The following CTSB variants were observed in gnomAD, a reference collection of about 807,000 sequenced individuals.
CTSB encodes the protein cathepsin B.
In CTSB, 57 loss-of-function variants were observed where a neutral mutation model predicts 44.3. The observed-to-expected ratio is 1.29, with a 90% CI of 1.04 to 1.60. The LOEUF is 1.60. Among genes scored for constraint, CTSB ranks in the 40% most tolerant of loss-of-function variants. The pLI, the probability that CTSB is intolerant of heterozygous loss-of-function variation, is 0.00. For missense variants in CTSB, 768 were observed against 443.0 expected, an observed-to-expected ratio of 1.73 and a Z score of -6.59; for synonymous variants, 320 against 168.0, an observed-to-expected ratio of 1.91 and a Z score of -7.00.
intron 3 of CTSB, 113 bp downstream of exon 3, chr8:11,852,497 T>C (rs1814769615): frequency 1.5e-6 from 1 of 674,320 alleles, no homozygotes; most frequent in Non-Finnish European, 2.5e-6. Context: ...TCGGCAGCCC[T>C]GGGCAGCATG....
chr8:11,857,208 G>A (rs942833699), intron 1 of CTSB, among the ~76,000 whole-genome samples: 20 of 152,126 alleles, frequency 1.3e-4, no homozygotes, highest in African/African-American at 3.9e-4. Context: ...AGTATAGTCC[G>A]TGTTTCGTTA....
chr8:11,861,998 G>C (rs1435245731), intron 1 of CTSB, among the ~76,000 whole-genome samples: 1 of 152,150 alleles, frequency 6.6e-6, no homozygotes, highest in Non-Finnish European at 1.5e-5. Context: ...ACGAGGTCAG[G>C]AGATCGAGAC....
intron 1 of CTSB, among the ~76,000 whole-genome samples, chr8:11,866,265 T>C (rs1056979234): frequency 3.3e-5 from 5 of 152,142 alleles, no homozygotes; most frequent in Admixed American, 6.5e-5. Context: ...CAGCACCACA[T>C]GGGCAGTTTC....
intron 1 of CTSB, among the ~76,000 whole-genome samples, chr8:11,866,779 G>T (rs1360726933): frequency 6.6e-6 from 1 of 152,206 alleles, no homozygotes; most frequent in Non-Finnish European, 1.5e-5. Flanking sequence ...AGAATAGCTT[G>T]AATTTGGGAG....
chr8:11,865,429 A>C (rs895154114), intron 1 of CTSB: 1 of 152,070 alleles, frequency 6.6e-6, no homozygotes, highest in African/African-American at 2.4e-5. Context: ...TCTCTACTAA[A>C]AATAAAAAAA....
intron 4 of CTSB, among the ~76,000 whole-genome samples, chr8:11,850,439 AAAGAAAG>A (rs1269722635): frequency 1.1e-4 from 6 of 53,594 alleles, no homozygotes; most frequent in Admixed American, 7.4e-4. Flanking sequence ...AAAAAAAAAA[AAAGAAAG>A]AAAAAGAAAA....
At chr8:11,852,450 A>C (rs1563406170) in intron 3 of CTSB, among the ~76,000 whole-genome samples, 160 bp downstream of exon 3, 1 of 152,202 alleles carries the variant, frequency 6.6e-6, no homozygotes, top group Non-Finnish European at 1.5e-5. Context: ...AAGTAATATA[A>C]AAATGAAAAG....
Position 11,847,572 on chromosome 8 carries a change from C to T in CTSB, c.676+107G>A, listed in dbSNP as rs182274474. 774 of 1,276,720 alleles carry T rather than the reference C, an allele frequency of 6.1e-4. 2 individuals carry two copies. Among genetic ancestry groups the T allele is most frequent in the Non-Finnish European group, 7.5e-4 (704 of 941,780 alleles). 79.1% of individuals were successfully genotyped at this position (1,276,720 alleles called of 1,614,324 possible). On this transcript the variant is annotated intron_variant, in intron 7 of 9. Coordinates refer to ENST00000353047, the MANE Select transcript of CTSB (RefSeq NM_001908.5). ...CTCCCCCTCCTCTATCCTAGAGTTC[C>T]GGGACCCCAAGGCTCCTCAGCCCTG...
At position 11,853,464 on chromosome 8, in the gene CTSB, C is replaced by T. The variant is rs202197048; in HGVS notation, c.-10G>A. On this transcript the variant is annotated 5_prime_UTR_variant, in exon 2 of 10. Coordinates refer to ENST00000353047, the MANE Select transcript of CTSB (RefSeq NM_001908.5). Reference sequence around the variant, plus strand: ...CCCAGAGCTGCCACATGTTGGAAGCCGGATCCTAGATCCACCTGGAGAGGA... The same window carrying T: ...CCCAGAGCTGCCACATGTTGGAAGCTGGATCCTAGATCCACCTGGAGAGGA... 1.8e-4 allele frequency: 290 copies of T among 1,610,304 alleles called. No individual in the cohort carries two copies. Among genetic ancestry groups the T allele is most frequent in the Admixed American group, 1.2e-3 (70 of 59,632 alleles).
chr8:11,849,784 T>C lies in CTSB; in HGVS notation c.328-620A>G, dbSNP rs140237205. On this transcript the variant is annotated intron_variant, in intron 4 of 9. Coordinates refer to ENST00000353047, the MANE Select transcript of CTSB (RefSeq NM_001908.5). ...TTAGTAGAGACAGGGTTTCACCATG[T>C]TGGCCAGGTTGGTCTCAAACTCCTG... Among the ~76,000 whole-genome samples, 886 of 152,214 alleles carry C rather than the reference T, an allele frequency of 5.8e-3. 4 individuals are homozygous for C. The highest frequency in any genetic ancestry group is 0.02 in the African/African-American group (844 of 41,536).
chr8:11,859,641 G>A (rs1197538592), intron 1 of CTSB, among the ~76,000 whole-genome samples: 1 of 151,878 alleles, frequency 6.6e-6, no homozygotes, highest in Non-Finnish European at 1.5e-5. Context: ...GGTGGTGGGT[G>A]CCTGTAATCC....
intron 1 of CTSB, chr8:11,854,991 C>T (rs542043218): frequency 1.3e-5 from 2 of 152,284 alleles, no homozygotes; most frequent in Non-Finnish European, 1.5e-5. Flanking sequence ...ACACTGGACT[C>T]CTCACACACA....
intron 7 of CTSB, among the ~76,000 whole-genome samples, chr8:11,847,384 G>A (rs146679676): frequency 8.5e-5 from 13 of 152,246 alleles, no homozygotes; most frequent in Non-Finnish European, 1.5e-4. Context: ...CAATGAGCAC[G>A]AGGCCCCGGA....
intron 8 of CTSB, chr8:11,846,355 TAAG>T (rs1057083734): frequency 3.3e-5 from 5 of 152,392 alleles, no homozygotes; most frequent in African/African-American, 9.6e-5. Flanking sequence ...AGGACTATGC[TAAG>T]AAGTGCCATC....
chr8:11,861,937 CT>C (rs1303060005), intron 1 of CTSB, among the ~76,000 whole-genome samples: 7 of 152,072 alleles, frequency 4.6e-5, no homozygotes, highest in African/African-American at 1.7e-4. Flanking sequence ...GCCGGGCATG[CT>C]GGCTCACGCC....
In CTSB at chr8:11,845,266, A is replaced by T. The variant is rs1375188465; in HGVS notation, c.923-44T>A. 4.2e-6 allele frequency: 6 copies of T among 1,436,682 alleles called. No homozygotes were observed. The African/African-American group carries it at 5.6e-5, about 13-fold the overall frequency. 89.0% of individuals were successfully genotyped at this position (1,436,682 alleles called of 1,614,324 possible). A position where few individuals can be genotyped will look rare whatever the true frequency, so the allele number is the denominator to read the frequency against. On this transcript the variant is annotated intron_variant, in intron 9 of 9. Transcript: ENST00000353047. ...GTGCTTTTAAAGTGTGACAAGGGTC[A>T]ACCAATATAGTCAGACTCATCCTTA...
intron 1 of CTSB, among the ~76,000 whole-genome samples, chr8:11,858,621 A>G (rs1022074830): frequency 6.6e-6 from 1 of 152,222 alleles, no homozygotes; most frequent in African/African-American, 2.4e-5. Context: ...TAACCCCAGC[A>G]TTTAACATCC....
intron 8 of CTSB, 73 bp downstream of exon 8, chr8:11,846,979 A>G (rs1586089061): frequency 1.2e-6 from 1 of 825,346 alleles, no homozygotes; most frequent in East Asian, 2.6e-5. Context: ...CTATTGGTCA[A>G]CATGAACCAT....
intron 1 of CTSB, chr8:11,853,834 CCTGT>C (rs899824690): frequency 1.7e-5 from 3 of 180,050 alleles, no homozygotes; most frequent in African/African-American, 7.1e-5. Flanking sequence ...CAGTTAAGAG[CCTGT>C]CTGTGTGATT....
Sources: gnomAD v4.1 joint callset for allele counts (sites outside exome capture counted in the v4.1 genomes callset) on GRCh38, gnomAD v4.1.1 for gene constraint, MANE v1.5 for transcripts, NCBI Gene and HGNC (gene_info 2026-07-23, HGNC 2026-07-21) for gene names.